Variants in RXFP1 observed in about 807,000 individuals in gnomAD.
The protein encoded by RXFP1 is relaxin family peptide receptor 1.
In RXFP1, 73 loss-of-function variants were observed where a neutral mutation model predicts 89.8. The ratio of observed to expected loss-of-function variants is 0.81; its 90% confidence interval spans 0.67 to 0.99. RXFP1 has a LOEUF of 0.99. Among genes scored for constraint, RXFP1 ranks in the 50% least tolerant of loss-of-function variants. The pLI is 0.00. For missense variants in RXFP1, 793 were observed against 895.5 expected, an observed-to-expected ratio of 0.89 and a Z score of 1.46; for synonymous variants, 277 against 305.5, an observed-to-expected ratio of 0.91 and a Z score of 0.97.
intron 9 of RXFP1, among the ~76,000 whole-genome samples, chr4:158,625,629 A>G (rs1168609990): frequency 1.3e-5 from 2 of 152,124 alleles, no homozygotes; most frequent in Non-Finnish European, 2.9e-5. Context: ...TCCAGATTTT[A>G]CAGATATATT....
chr4:158,623,672 A>G (rs1485446621), intron 9 of RXFP1, among the ~76,000 whole-genome samples: 3 of 152,184 alleles, frequency 2.0e-5, no homozygotes, highest in African/African-American at 7.2e-5. Flanking sequence ...GGACAGCAAC[A>G]TAACTAGCTA....
chr4:158,603,126 TG>T (rs562021541), intron 4 of RXFP1, among the ~76,000 whole-genome samples: 31 of 151,908 alleles, frequency 2.0e-4, no homozygotes, highest in African/African-American at 6.8e-4. Context: ...GAGATGGCGG[TG>T]GGGGGGCAGT....
chr4:158,616,193 G>T (rs1291443616), intron 8 of RXFP1, among the ~76,000 whole-genome samples: 1 of 152,060 alleles, frequency 6.6e-6, no homozygotes, highest in Admixed American at 6.5e-5. Flanking sequence ...AGGCCGAGGT[G>T]GGCAGATCAC....
intron 1 of RXFP1, among the ~76,000 whole-genome samples, chr4:158,536,096 G>T (rs567456135): frequency 7.2e-5 from 11 of 152,232 alleles, no homozygotes; most frequent in Admixed American, 1.3e-4. Flanking sequence ...TAATCAATCA[G>T]TAACTTTGCA....
At chr4:158,639,522 G>A (rs1769939421) in intron 14 of RXFP1, among the ~76,000 whole-genome samples, 191 bp downstream of exon 14, 1 of 152,090 alleles carries the variant, frequency 6.6e-6, no homozygotes, top group African/African-American at 2.4e-5. Flanking sequence ...GGGCCTTTGG[G>A]AGGTGACTAG....
At position 158,628,678 on chromosome 4, in the gene RXFP1, A is replaced by G; in HGVS notation, c.868A>G (p.Thr290Ala). ...KNKINHLNENTFAPLQKLDEL... is the reference protein window; with the variant it reads ...KNKINHLNENAFAPLQKLDEL... ...CAAAATTAATCACTTAAATGAAAAT[A>G]CTTTTGCACCTCTCCAGAAACTGGA... The change falls in exon 11 of 18, where the codon ACT (threonine) becomes GCT (alanine). Residue 290 changes from threonine to alanine, a missense_variant. Transcript: ENST00000307765. The G allele has an allele frequency of 6.3e-7, 1 of 1,580,056 alleles. No homozygotes were observed. Among genetic ancestry groups the G allele is most frequent in the Non-Finnish European group, 8.7e-7 (1 of 1,151,826 alleles).
At chr4:158,530,559 T>G (rs560960712) in intron 1 of RXFP1, among the ~76,000 whole-genome samples, 44 of 152,338 alleles carry the variant, frequency 2.9e-4, no homozygotes, top group South Asian at 2.5e-3. Context: ...GCCTCATGGT[T>G]TATAAATGTT....
At chr4:158,542,144 T>A (rs1746969953) in intron 1 of RXFP1, among the ~76,000 whole-genome samples, 1 of 134,344 alleles carries the variant, frequency 7.4e-6, no homozygotes, top group South Asian at 2.4e-4. Context: ...TTCACCACAT[T>A]GACCAGGCTG....
At chr4:158,553,570 T>A (rs542800812) in intron 1 of RXFP1, among the ~76,000 whole-genome samples, 9 of 152,082 alleles carry the variant, frequency 5.9e-5, no homozygotes, top group Admixed American at 6.5e-5. Flanking sequence ...CTGTGGGGAT[T>A]TGTGCAGGTA....
chr4:158,529,240 G>GTTTT (rs60839416), intron 1 of RXFP1, among the ~76,000 whole-genome samples: 97,458 of 133,878 alleles, frequency 0.73, 36,856 homozygotes, highest in East Asian at 0.95. Context: ...TTGCTTGCTT[G>GTTTT]TTTTTTGTTG....
intron 2 of RXFP1, among the ~76,000 whole-genome samples, chr4:158,580,791 G>A (rs561377151): frequency 2.0e-5 from 3 of 152,048 alleles, no homozygotes; most frequent in Admixed American, 1.3e-4. Context: ...GTCTATGCAT[G>A]ACTACTTTTT....
chr4:158,559,501 T>C (rs1348615568), intron 1 of RXFP1, among the ~76,000 whole-genome samples: 1 of 152,188 alleles, frequency 6.6e-6, no homozygotes, highest in Non-Finnish European at 1.5e-5. Context: ...TAGACCCCCC[T>C]GCCCCGCTGC....
rs56032847 is a variant in RXFP1, at chr4:158,542,109, A to ATTTTT, written c.49+20090_49+20094dup. ...TATATATATATATATATATATATAT[A>ATTTTT]TTTTTTTTTTAGTAGAGACAGGGTT... On this transcript the variant is annotated intron_variant, in intron 1 of 17. Transcript: ENST00000307765. Among the ~76,000 whole-genome samples, 339 of 35,192 alleles carry ATTTTT rather than the reference A, an allele frequency of 9.6e-3. 39 individuals carry two copies. Among genetic ancestry groups the ATTTTT allele is most frequent in the African/African-American group, 0.028 (304 of 10,774 alleles). The allele number at this position is 35,192 out of a possible 152,430, so 23.1% of individuals were successfully genotyped here.
At chr4:158,527,564 A>AAAAAAAAATATATATAT (rs5741905) in intron 1 of RXFP1, among the ~76,000 whole-genome samples, 1 of 98,328 alleles carries the variant, frequency 1.0e-5, no homozygotes, top group African/African-American at 3.5e-5. Flanking sequence ...AAAAAAAAAA[A>AAAAAAAAATATATATAT]ATATATATAT....
chr4:158,587,636 C>A (rs1561072438), intron 2 of RXFP1, among the ~76,000 whole-genome samples: 1 of 152,074 alleles, frequency 6.6e-6, no homozygotes, highest in African/African-American at 2.4e-5. Context: ...AATTCTTTGG[C>A]CTAGAAAAGA....
At chr4:158,537,325 T>TC (rs906718620) in intron 1 of RXFP1, among the ~76,000 whole-genome samples, 1 of 151,960 alleles carries the variant, frequency 6.6e-6, no homozygotes, top group Admixed American at 6.6e-5. Flanking sequence ...CCTTCCCTTG[T>TC]CCCCCCAAAA....
intron 1 of RXFP1, among the ~76,000 whole-genome samples, chr4:158,534,109 T>TA (rs1378248898): frequency 6.6e-6 from 1 of 151,926 alleles, no homozygotes; most frequent in East Asian, 1.9e-4. Flanking sequence ...CTTCTCTAAT[T>TA]AGTCTCCCAG....
At chr4:158,548,682 A>G (rs542867775) in intron 1 of RXFP1, among the ~76,000 whole-genome samples, 1 of 152,208 alleles carries the variant, frequency 6.6e-6, no homozygotes, top group South Asian at 2.1e-4. Flanking sequence ...CTTGTCTGTA[A>G]AGGATTTTAT....
intron 2 of RXFP1, among the ~76,000 whole-genome samples, chr4:158,573,718 G>A (rs1755632540): frequency 6.6e-6 from 1 of 152,104 alleles, no homozygotes; most frequent in Non-Finnish European, 1.5e-5. Flanking sequence ...TGGGTATGAC[G>A]ATAAGCAATT....
Sources: gnomAD v4.1 joint callset for allele counts (sites outside exome capture counted in the v4.1 genomes callset) on GRCh38, gnomAD v4.1.1 for gene constraint, MANE v1.5 for transcripts, NCBI Gene and HGNC (gene_info 2026-07-23, HGNC 2026-07-21) for gene names.